The following ZMYM2 variants were observed in gnomAD, a reference collection of about 807,000 sequenced individuals.
The protein encoded by ZMYM2 is zinc finger MYM-type containing 2.
Under a neutral mutation model 162.8 loss-of-function variants are expected in ZMYM2, and 56 were observed. The observed-to-expected ratio is 0.34, with a 90% CI of 0.28 to 0.43. The LOEUF (loss-of-function observed/expected upper bound fraction) is 0.43, where lower values mean the gene tolerates loss of function less well. Among genes scored for constraint, ZMYM2 ranks in the 20% least tolerant of loss-of-function variants. The pLI is 1.00. For synonymous variants in ZMYM2, 510 were observed against 541.6 expected (o/e 0.94, Z 0.81); for missense variants, 1,275 against 1,621.8 (o/e 0.79, Z 3.67).
rs748972330 is a variant in ZMYM2, at chr13:19,993,050, A to G, written c.-10-13A>G. Reference sequence around the variant, plus strand: ...TACTGACATTTTAATTCTTTTTTCTATCTTCCTAACAGGTTCTTTGGCATG... The same window carrying G: ...TACTGACATTTTAATTCTTTTTTCTGTCTTCCTAACAGGTTCTTTGGCATG... On this transcript the variant is annotated splice_polypyrimidine_tract_variant and intron_variant, in intron 2 of 24. Transcript: ENST00000610343. The G allele has an allele frequency of 4.5e-5, 69 of 1,548,914 alleles. No individual in the cohort carries two copies. The highest frequency in any genetic ancestry group is 2.2e-5 in the Admixed American group (1 of 45,758).
chr13:20,045,732 C>A (rs952372881), intron 12 of ZMYM2, among the ~76,000 whole-genome samples: 3 of 151,918 alleles, frequency 2.0e-5, no homozygotes, highest in East Asian at 3.9e-4. Flanking sequence ...CATTGTTTAT[C>A]TTATTGTTTG....
chr13:20,036,459 A>T (rs547434001), intron 11 of ZMYM2, among the ~76,000 whole-genome samples: 37 of 152,294 alleles, frequency 2.4e-4, no homozygotes, highest in African/African-American at 8.4e-4. Flanking sequence ...TCCCAGGCCC[A>T]AGCAAGATTC....
At chr13:19,931,215 C>G in the ZMYM2 span, among the ~76,000 whole-genome samples, 1 of 150,908 alleles carries the variant, frequency 6.6e-6, no homozygotes, top group Non-Finnish European at 1.5e-5. Flanking sequence ...CTATTGTGTG[C>G]TTTCTATTTT....
the ZMYM2 span, among the ~76,000 whole-genome samples, chr13:19,887,147 A>G: frequency 6.6e-6 from 1 of 151,992 alleles, no homozygotes; most frequent in Non-Finnish European, 1.5e-5. Context: ...GGCATATAAC[A>G]TCAGATTGTC....
At chr13:20,041,923 C>G (rs974290227) in intron 12 of ZMYM2, among the ~76,000 whole-genome samples, 1 of 152,112 alleles carries the variant, frequency 6.6e-6, no homozygotes, top group African/African-American at 2.4e-5. Flanking sequence ...GCTGAGAGAT[C>G]TGCTATTAGT....
Position 19,993,138 on chromosome 13 carries a change from G to C in ZMYM2, c.66G>C (p.Thr22=). ...AGACTCCTGTTTTATTAGGGAGTAC[G>C]GCCATGGCAACTAGTCTCACGAATG... The part of the protein sequence containing the change: ...TDQTPVLLGS[T]AMATSLTNVG... The change falls in exon 3 of 25, where the codon ACG becomes ACC. Residue 22 remains threonine, a synonymous_variant. Coordinates refer to ENST00000610343, the MANE Select transcript of ZMYM2 (RefSeq NM_197968.4). 1 of 1,614,042 alleles carries C rather than the reference G, an allele frequency of 6.2e-7. No individual in the cohort carries two copies. Among genetic ancestry groups the C allele is most frequent in the Admixed American group, 1.7e-5 (1 of 59,996 alleles).
At chr13:20,085,409 T>G (rs1325055760) in intron 24 of ZMYM2, among the ~76,000 whole-genome samples, 1 of 152,224 alleles carries the variant, frequency 6.6e-6, no homozygotes, top group Non-Finnish European at 1.5e-5. Context: ...GTTTCTATTA[T>G]GTAGTGCTGT....
the ZMYM2 span, among the ~76,000 whole-genome samples, chr13:19,892,898 A>G: frequency 6.6e-6 from 1 of 151,152 alleles, no homozygotes; most frequent in Admixed American, 6.6e-5. Flanking sequence ...TATTTTTAGT[A>G]GAGACGGGGT....
At chr13:20,051,328 C>T (rs887790362) in intron 12 of ZMYM2, 105 bp from the exon 13 acceptor site, 57 of 788,412 alleles carry the variant, frequency 7.2e-5, no homozygotes, top group South Asian at 2.9e-4. Flanking sequence ...TCTACTTTTT[C>T]TGTATCAGTC....
intron 2 of ZMYM2, among the ~76,000 whole-genome samples, chr13:19,969,489 G>A (rs531526677): frequency 6.6e-6 from 1 of 152,112 alleles, no homozygotes; most frequent in Non-Finnish European, 1.5e-5. Flanking sequence ...CAAGGAACTT[G>A]TGATGAGAGT....
chr13:20,059,849 C>A (rs1956100032), intron 16 of ZMYM2, among the ~76,000 whole-genome samples: 1 of 152,030 alleles, frequency 6.6e-6, no homozygotes, highest in Non-Finnish European at 1.5e-5. Flanking sequence ...GCCTGGGCAA[C>A]ATGGTGACAC....
the ZMYM2 span, among the ~76,000 whole-genome samples, chr13:19,913,845 C>T: frequency 6.6e-6 from 1 of 152,242 alleles, no homozygotes; most frequent in Non-Finnish European, 1.5e-5. Context: ...CCTACTACAT[C>T]GCCTTCTCTT....
At chr13:20,038,141 A>G (rs1280566749) in intron 12 of ZMYM2, among the ~76,000 whole-genome samples, 1 of 152,132 alleles carries the variant, frequency 6.6e-6, no homozygotes, top group Non-Finnish European at 1.5e-5. Flanking sequence ...TTATTGCTGC[A>G]TAGTATTCCA....
chr13:19,885,957 ATATATG>A, the ZMYM2 span, among the ~76,000 whole-genome samples: 2 of 88,038 alleles, frequency 2.3e-5, 1 homozygote, highest in Non-Finnish European at 5.4e-5. Context: ...ATATACACAT[ATATATG>A]TGTATACACA....
the ZMYM2 span, among the ~76,000 whole-genome samples, chr13:19,932,343 C>A: frequency 6.6e-6 from 1 of 151,978 alleles, no homozygotes; most frequent in South Asian, 2.1e-4. Flanking sequence ...CCGATTAGCG[C>A]ACTTATAAGA....
chr13:19,986,207 A>G (rs1949126135), intron 2 of ZMYM2, among the ~76,000 whole-genome samples: 1 of 151,494 alleles, frequency 6.6e-6, no homozygotes, highest in Non-Finnish European at 1.5e-5. Flanking sequence ...AAAAACAAAC[A>G]AACAAACAAA....
intron 2 of ZMYM2, among the ~76,000 whole-genome samples, chr13:19,985,548 A>G (rs1254892385): frequency 6.6e-6 from 1 of 151,792 alleles, no homozygotes; most frequent in Non-Finnish European, 1.5e-5. Flanking sequence ...TTTTAAAAAC[A>G]ATAAGAGCTG....
chr13:19,909,812 A>G, the ZMYM2 span, among the ~76,000 whole-genome samples: 17 of 152,116 alleles, frequency 1.1e-4, no homozygotes, highest in Admixed American at 2.6e-4. Context: ...GGTGCACTAC[A>G]CTTCAAAATA....
At chr13:19,894,962 G>A in the ZMYM2 span, among the ~76,000 whole-genome samples, 9 of 149,382 alleles carry the variant, frequency 6.0e-5, no homozygotes, top group South Asian at 2.1e-4. Flanking sequence ...GGTCATGGGC[G>A]CCTACTCGGG....
Sources: gnomAD v4.1 joint callset for allele counts (sites outside exome capture counted in the v4.1 genomes callset) on GRCh38, gnomAD v4.1.1 for gene constraint, MANE v1.5 for transcripts, NCBI Gene and HGNC (gene_info 2026-07-23, HGNC 2026-07-21) for gene names.